Variants in WDR47 observed in about 807,000 individuals in gnomAD.
WDR47 encodes the protein WD repeat domain 47.
A neutral mutation model predicts 97.2 loss-of-function variants in WDR47; 32 were observed. The observed-to-expected ratio is 0.33, with a 90% CI of 0.25 to 0.44. The LOEUF (loss-of-function observed/expected upper bound fraction) is 0.44, where lower values mean the gene tolerates loss of function less well. WDR47 is among the 20% of genes least tolerant of loss of function. The pLI is 1.00. For synonymous variants in WDR47, 375 were observed against 373.5 expected (o/e 1.00, Z -0.05); for missense variants, 782 against 1,102.3 (o/e 0.71, Z 4.11).
intron 1 of WDR47, among the ~76,000 whole-genome samples, chr1:109,028,183 TTTTG>T (rs1244753988): frequency 8.6e-5 from 13 of 151,832 alleles, no homozygotes; most frequent in Admixed American, 3.9e-4. Context: ...ATGACTATGG[TTTTG>T]TTTGTTTGTC....
chr1:108,974,440 A>G, intron 14 of WDR47, 96 bp downstream of exon 14: 1 of 898,042 alleles, frequency 1.1e-6, no homozygotes, highest in East Asian at 2.7e-5. Flanking sequence ...AAAATAATTG[A>G]AAGTATTATA....
intron 1 of WDR47, among the ~76,000 whole-genome samples, chr1:109,024,043 T>C (rs559174812): frequency 6.6e-6 from 1 of 152,344 alleles, no homozygotes; most frequent in South Asian, 2.1e-4. Flanking sequence ...GTGACAGACA[T>C]GATTCTGTAC....
In WDR47 at chr1:109,027,026, C is replaced by T. The variant is rs189995948; in HGVS notation, c.-9-3505G>A. 4.7e-3 allele frequency among the ~76,000 whole-genome samples: 711 copies of T among 151,654 alleles called. 5 individuals carry two copies. Among genetic ancestry groups the T allele is most frequent in the South Asian group, 0.022 (103 of 4,786 alleles). ...GTTTTAATTCTATACCTTGAAATTCCCAGTAGAATAATATATTTTAATCAC... is the reference window on the plus strand; with the variant it reads ...GTTTTAATTCTATACCTTGAAATTCTCAGTAGAATAATATATTTTAATCAC... On this transcript the variant is annotated intron_variant, in intron 1 of 14. Coordinates refer to ENST00000369962, the MANE Select transcript of WDR47 (RefSeq NM_001142551.2).
intron 1 of WDR47, among the ~76,000 whole-genome samples, chr1:109,040,278 TA>T (rs1418886987): frequency 6.6e-6 from 1 of 152,174 alleles, no homozygotes; most frequent in East Asian, 1.9e-4. Context: ...TTTTCATAAC[TA>T]AAGCGTTTCT....
chr1:108,972,937 C>G (rs1348623735), intron 14 of WDR47, among the ~76,000 whole-genome samples: 2 of 143,596 alleles, frequency 1.4e-5, no homozygotes, highest in Admixed American at 1.4e-4. Context: ...CAGAGCGAGA[C>G]TCTGTCTCAG....
chr1:109,014,335 T>C (rs1366189072), intron 3 of WDR47, among the ~76,000 whole-genome samples: 2 of 152,056 alleles, frequency 1.3e-5, no homozygotes, highest in African/African-American at 4.8e-5. Context: ...TCTTTTTAAA[T>C]ATGAGAAAAG....
At chr1:109,004,546 T>C (rs1660445404) in intron 6 of WDR47, 46 bp downstream of exon 6, 3 of 1,558,796 alleles carry the variant, frequency 1.9e-6, no homozygotes, top group Admixed American at 2.0e-5. Context: ...TATTACTTCT[T>C]ACAAAGAGAA....
intron 8 of WDR47, among the ~76,000 whole-genome samples, chr1:108,994,120 G>A (rs561308559): frequency 3.9e-5 from 6 of 152,262 alleles, no homozygotes; most frequent in South Asian, 4.1e-4. Context: ...AATAGAGGCC[G>A]GGTGCGGTGG....
Position 109,030,397 on chromosome 1 carries a change from A to T in WDR47, c.-9-6876T>A, listed in dbSNP as rs1001254376. 4.0e-5 allele frequency: 17 copies of T among 424,264 alleles called. 1 individual carries two copies. Among genetic ancestry groups the T allele is most frequent in the African/African-American group, 2.5e-4 (12 of 48,588 alleles). 26.3% of individuals were successfully genotyped at this position (424,264 alleles called of 1,614,324 possible). ...ATAAAAATAAAAAATAAAATAAAAT[A>T]AAATAAAAATTAAATGTTCATCTGC... is the stretch of plus-strand genomic sequence containing the variant. On this transcript the variant is annotated intron_variant, in intron 1 of 14. Transcript: ENST00000369962.
intron 3 of WDR47, among the ~76,000 whole-genome samples, chr1:109,014,576 C>T (rs556503972): frequency 6.6e-6 from 1 of 151,794 alleles, no homozygotes; most frequent in Admixed American, 6.6e-5. Flanking sequence ...AGGACTACAA[C>T]TGTGTGCCAC....
chr1:109,012,572 C>CAA (rs57237933), intron 4 of WDR47, among the ~76,000 whole-genome samples: 17,023 of 73,780 alleles, frequency 0.23, 3,108 homozygotes, highest in Admixed American at 0.27. Flanking sequence ...GACTCCATCT[C>CAA]AAAAAAAAAA....
intron 9 of WDR47, 69 bp downstream of exon 9, chr1:108,991,185 T>C (rs978967127): frequency 6.8e-6 from 10 of 1,468,340 alleles, no homozygotes; most frequent in Middle Eastern, 3.5e-4. Flanking sequence ...TTTCTTTGAA[T>C]TGAAAATTTC....
intron 9 of WDR47, 145 bp from the exon 10 acceptor site, chr1:108,986,825 C>T: frequency 1.5e-6 from 1 of 666,088 alleles, no homozygotes; most frequent in Non-Finnish European, 2.4e-6. Flanking sequence ...ATTCTTTTCT[C>T]TATGTTTTTC....
intron 7 of WDR47, 132 bp downstream of exon 7, chr1:109,002,092 T>C (rs747831467): frequency 4.3e-5 from 45 of 1,048,970 alleles, no homozygotes; most frequent in Non-Finnish European, 5.3e-5. Context: ...GAAAGCAATA[T>C]GTAACTCCAC....
intron 11 of WDR47, among the ~76,000 whole-genome samples, chr1:108,982,994 C>T (rs1349233956): frequency 1.3e-5 from 2 of 151,586 alleles, no homozygotes; most frequent in Non-Finnish European, 2.9e-5. Flanking sequence ...GTCTCTTATC[C>T]CAAAGAAAAA....
At position 108,981,917 on chromosome 1, in the gene WDR47, C is replaced by A; in HGVS notation, c.2267-53G>T. Reference sequence around the variant, plus strand: ...AAGGTGGGAGAGTATCTTTCCATAACATATTCAAAGCTAAGCACTCTAGAG... The same window carrying A: ...AAGGTGGGAGAGTATCTTTCCATAAAATATTCAAAGCTAAGCACTCTAGAG... On this transcript the variant is annotated intron_variant, in intron 12 of 14. Coordinates refer to ENST00000369962, the MANE Select transcript of WDR47 (RefSeq NM_001142551.2). The A allele has an allele frequency of 2.5e-6, 4 of 1,573,938 alleles. No homozygotes were observed. In the South Asian group the frequency reaches 4.6e-5, roughly 18 times the overall value.
chr1:109,018,160 T>C (rs1378630003), intron 2 of WDR47, among the ~76,000 whole-genome samples: 3 of 152,206 alleles, frequency 2.0e-5, no homozygotes, highest in South Asian at 2.1e-4. Flanking sequence ...TGTAAAAACA[T>C]TGGACATGCC....
intron 7 of WDR47, among the ~76,000 whole-genome samples, chr1:109,000,301 G>A (rs1430296407): frequency 1.3e-5 from 2 of 151,624 alleles, no homozygotes; most frequent in African/African-American, 2.4e-5. Flanking sequence ...ACCAGGTCAG[G>A]AGATCGAGAC....
At chr1:108,992,253 T>C in intron 8 of WDR47, 1 of 920,538 alleles carries the variant, frequency 1.1e-6, no homozygotes, top group East Asian at 2.4e-5. Flanking sequence ...AAAAAGTAAA[T>C]CCGAAGCAGC....
Sources: allele counts gnomAD v4.1 joint callset (sites outside exome capture counted in the v4.1 genomes callset), GRCh38; gene constraint gnomAD v4.1.1; transcripts MANE v1.5; gene names NCBI Gene and HGNC (gene_info 2026-07-23, HGNC 2026-07-21).